ERCC6L2: variants seen among roughly 807,000 people sequenced by gnomAD.
The protein encoded by ERCC6L2 is ERCC excision repair 6 like 2, also known as DNA excision repair protein ERCC-6-like 2.
A neutral mutation model predicts 132.0 loss-of-function variants in ERCC6L2; 77 were observed. That is an observed-to-expected ratio of 0.58 (90% confidence interval 0.49 to 0.71). The LOEUF is 0.71. Among genes scored for constraint, ERCC6L2 ranks in the 30% least tolerant of loss-of-function variants. ERCC6L2 has a pLI of 0.00. For synonymous variants in ERCC6L2, 583 were observed against 632.4 expected, an observed-to-expected ratio of 0.92 and a Z score of 1.17; for missense variants, 1,542 against 1,837.6, an observed-to-expected ratio of 0.84 and a Z score of 2.94.
chr9:95,945,704 C>G (rs1027796950), intron 12 of ERCC6L2, among the ~76,000 whole-genome samples: 1 of 152,198 alleles, frequency 6.6e-6, no homozygotes, highest in Non-Finnish European at 1.5e-5. Context: ...TCCCTCCGTT[C>G]AGGGTCCCTG....
chr9:95,902,271 G>T (rs1320574588), intron 3 of ERCC6L2, among the ~76,000 whole-genome samples: 2 of 152,026 alleles, frequency 1.3e-5, no homozygotes, highest in Non-Finnish European at 2.9e-5. Context: ...GCTAAGTTTT[G>T]ATTGAAATTC....
chr9:95,885,941 CTTTGA>C (rs1827841390), intron 2 of ERCC6L2, among the ~76,000 whole-genome samples: 1 of 152,148 alleles, frequency 6.6e-6, no homozygotes, highest in African/African-American at 2.4e-5. Context: ...GGTTAGAAAA[CTTTGA>C]TTAATCTGGT....
rs1333605989 is a variant in ERCC6L2 at position 96,014,831 on chromosome 9, C to G, written c.*1628C>G. ...CTACACAATGAGTGCATGATATGGT[C>G]CTTGATAGACTTGACTTGTAGATGT... On this transcript the variant is annotated 3_prime_UTR_variant, in exon 19 of 19. Transcript: ENST00000653738. Among the ~76,000 whole-genome samples the G allele has an allele frequency of 6.6e-6, 1 of 152,086 alleles. No individual in the cohort carries two copies. Among genetic ancestry groups the G allele is most frequent in the Non-Finnish European group, 1.5e-5 (1 of 68,014 alleles).
intron 4 of ERCC6L2, among the ~76,000 whole-genome samples, 192 bp from the exon 5 acceptor site, chr9:95,915,476 C>T (rs946746269): frequency 5.3e-5 from 8 of 152,014 alleles, no homozygotes; most frequent in Non-Finnish European, 1.0e-4. Flanking sequence ...TTCTTTTCTA[C>T]GCATTTTATT....
At chr9:95,879,535 TG>T (rs1827479070) in intron 1 of ERCC6L2, among the ~76,000 whole-genome samples, 1 of 152,218 alleles carries the variant, frequency 6.6e-6, no homozygotes, top group African/African-American at 2.4e-5. Flanking sequence ...ACCTATATGT[TG>T]TTCTACTTGT....
chr9:95,917,929 C>T (rs1029811093), intron 6 of ERCC6L2, among the ~76,000 whole-genome samples: 2 of 152,052 alleles, frequency 1.3e-5, no homozygotes, highest in Non-Finnish European at 2.9e-5. Flanking sequence ...CTGAAGATAC[C>T]TTTGTACTTC....
chr9:95,948,791 G>GAAAAAAAAAAAAAA (rs55712485), intron 12 of ERCC6L2, among the ~76,000 whole-genome samples: 21 of 103,908 alleles, frequency 2.0e-4, no homozygotes, highest in South Asian at 3.0e-4. Context: ...CAAGACATTA[G>GAAAAAAAAAAAAAA]AAAAAAAAAA....
intron 11 of ERCC6L2, among the ~76,000 whole-genome samples, chr9:95,939,784 C>G (rs1273028023): frequency 6.6e-6 from 1 of 152,138 alleles, no homozygotes; most frequent in Non-Finnish European, 1.5e-5. Flanking sequence ...ATTCCAACAT[C>G]TGATTCATCT....
intron 12 of ERCC6L2, among the ~76,000 whole-genome samples, chr9:95,944,337 T>C (rs936856807): frequency 6.6e-6 from 1 of 152,148 alleles, no homozygotes; most frequent in African/African-American, 2.4e-5. Flanking sequence ...TCCATAGAGA[T>C]AGAAAGTAGA....
intron 16 of ERCC6L2, among the ~76,000 whole-genome samples, chr9:95,974,724 G>T (rs1026797825): frequency 3.0e-5 from 3 of 99,378 alleles, no homozygotes; most frequent in East Asian, 2.8e-4. Context: ...GGCCAGATTT[G>T]TGTGTGTGTG....
At chr9:95,931,387 A>G (rs188365121) in intron 11 of ERCC6L2, among the ~76,000 whole-genome samples, 227 of 152,196 alleles carry the variant, frequency 1.5e-3, no homozygotes, top group Admixed American at 3.3e-3. Flanking sequence ...AAGAACTGTC[A>G]TGTTGAAGCT....
intron 11 of ERCC6L2, among the ~76,000 whole-genome samples, chr9:95,933,321 C>G (rs914660997): frequency 6.6e-6 from 1 of 152,140 alleles, no homozygotes; most frequent in Admixed American, 6.5e-5. Context: ...TTCTCCCTAT[C>G]CCACCTCATT....
chr9:95,992,003 TC>T (rs1399879237), intron 17 of ERCC6L2, among the ~76,000 whole-genome samples: 2 of 152,222 alleles, frequency 1.3e-5, no homozygotes, highest in Non-Finnish European at 2.9e-5. Flanking sequence ...TTTTCCCTTT[TC>T]TAACTACATA....
At chr9:95,916,173 G>A (rs74551979) in intron 5 of ERCC6L2, 54 bp from the exon 6 acceptor site, 1 of 1,495,804 alleles carries the variant, frequency 6.7e-7, no homozygotes, top group East Asian at 2.3e-5. Flanking sequence ...GAAGCAAGAA[G>A]TTAGTGTTTT....
At chr9:95,932,846 C>T (rs1830398983) in intron 11 of ERCC6L2, among the ~76,000 whole-genome samples, 1 of 152,132 alleles carries the variant, frequency 6.6e-6, no homozygotes, top group South Asian at 2.1e-4. Context: ...GTCTCAAATA[C>T]CAGTCCTCAG....
intron 2 of ERCC6L2, among the ~76,000 whole-genome samples, chr9:95,896,624 A>G (rs116948512): frequency 0.13 from 19,736 of 151,906 alleles, 1,360 homozygotes; most frequent in South Asian, 0.24. Context: ...GGGTTTTGCC[A>G]TGTTGCCCAC....
intron 17 of ERCC6L2, among the ~76,000 whole-genome samples, chr9:95,985,179 A>G (rs1393579198): frequency 6.6e-6 from 1 of 152,162 alleles, no homozygotes; most frequent in Non-Finnish European, 1.5e-5. Context: ...TATACCTGTC[A>G]CTGTTGTTAC....
intron 6 of ERCC6L2, among the ~76,000 whole-genome samples, chr9:95,917,659 G>A (rs985169534): frequency 2.0e-4 from 31 of 152,134 alleles, no homozygotes; most frequent in African/African-American, 6.3e-4. Context: ...CAGTACAAAA[G>A]TATAAGAAAA....
intron 11 of ERCC6L2, among the ~76,000 whole-genome samples, chr9:95,930,173 T>C (rs554479192): frequency 1.3e-5 from 2 of 152,248 alleles, no homozygotes; most frequent in South Asian, 4.2e-4. Flanking sequence ...TTTGAGCTTA[T>C]CTTCAATGGG....
Sources: gnomAD v4.1 joint callset for allele counts (sites outside exome capture counted in the v4.1 genomes callset) on GRCh38, gnomAD v4.1.1 for gene constraint, MANE v1.5 for transcripts, NCBI Gene and HGNC (gene_info 2026-07-23, HGNC 2026-07-21) for gene names.